MARCHF1: variants seen among roughly 807,000 people sequenced by gnomAD.
The protein encoded by MARCHF1 is E3 ubiquitin-protein ligase MARCHF1.
A neutral mutation model predicts 54.2 loss-of-function variants in MARCHF1; 40 were observed. The ratio of observed to expected loss-of-function variants is 0.74; its 90% CI spans 0.57 to 0.96. The LOEUF is 0.96. Ranked by LOEUF, MARCHF1 falls within the 40% of genes least tolerant of loss-of-function variation. The pLI is 0.00. For synonymous variants in MARCHF1, 236 were observed against 236.3 expected (o/e 1.00, Z 0.01); for missense variants, 586 against 656.5 (o/e 0.89, Z 1.17).
rs143268270 is a variant in MARCHF1, at chr4:164,212,068, G to GTGA, written c.-322-100409_-322-100407dup. Among the ~76,000 whole-genome samples, 903 of 151,988 alleles carry GTGA rather than the reference G, an allele frequency of 5.9e-3. 4 individuals are homozygous for GTGA. Among genetic ancestry groups the GTGA allele is most frequent in the African/African-American group, 0.02 (838 of 41,460 alleles). On this transcript the variant is annotated intron_variant, in intron 1 of 9. Coordinates refer to ENST00000514618, the MANE Select transcript of MARCHF1 (RefSeq NM_001394959.1). The stretch of plus-strand genomic sequence containing the variant: ...AAGCAACTAATAATTTGCTCTCAAA[G>GTGA]TGATGATGATGATGATGATAAAAAA...
chr4:163,803,319 GT>G (rs1342252646), intron 4 of MARCHF1, among the ~76,000 whole-genome samples: 1 of 152,038 alleles, frequency 6.6e-6, no homozygotes, highest in African/African-American at 2.4e-5. Context: ...GATTACAGGT[GT>G]GCGCCACCAC....
At chr4:163,980,917 A>G (rs1329610523) in intron 3 of MARCHF1, among the ~76,000 whole-genome samples, 1 of 152,234 alleles carries the variant, frequency 6.6e-6, no homozygotes, top group African/African-American at 2.4e-5. Context: ...CATGTTAAAC[A>G]TAACAACTTT....
chr4:164,232,728 C>G (rs1189719753), intron 1 of MARCHF1, among the ~76,000 whole-genome samples: 2 of 152,030 alleles, frequency 1.3e-5, no homozygotes, highest in Non-Finnish European at 2.9e-5. Flanking sequence ...TGAATTGTGA[C>G]AGTAAAATAA....
At chr4:164,067,458 G>T (rs1560888440) in intron 2 of MARCHF1, among the ~76,000 whole-genome samples, 1 of 152,140 alleles carries the variant, frequency 6.6e-6, no homozygotes, top group South Asian at 2.1e-4. Context: ...CTTCAACAAG[G>T]CCAACAAAAA....
chr4:163,811,760 C>T (rs1249646388), intron 4 of MARCHF1, among the ~76,000 whole-genome samples: 1 of 152,146 alleles, frequency 6.6e-6, no homozygotes, highest in Non-Finnish European at 1.5e-5. Flanking sequence ...TTACAGTTTA[C>T]TAGGCCCTGT....
intron 4 of MARCHF1, among the ~76,000 whole-genome samples, chr4:163,812,398 A>C (rs964552052): frequency 4.6e-5 from 7 of 152,066 alleles, no homozygotes; most frequent in Non-Finnish European, 8.8e-5. Context: ...TGACTAATAC[A>C]TTCAGGTAGT....
intron 2 of MARCHF1, among the ~76,000 whole-genome samples, chr4:164,054,037 C>T (rs1431517442): frequency 6.6e-6 from 1 of 151,606 alleles, no homozygotes; most frequent in Non-Finnish European, 1.5e-5. Context: ...TGACAAAGGG[C>T]TAATATCTAG....
At chr4:163,605,318 C>T (rs1476999135) in intron 7 of MARCHF1, among the ~76,000 whole-genome samples, 2 of 152,156 alleles carry the variant, frequency 1.3e-5, no homozygotes, top group Admixed American at 6.5e-5. Context: ...CTCATAATCA[C>T]TGGTCATTAG....
chr4:164,139,406 A>T (rs978983898), intron 1 of MARCHF1, among the ~76,000 whole-genome samples: 4 of 152,116 alleles, frequency 2.6e-5, no homozygotes, highest in African/African-American at 9.7e-5. Flanking sequence ...TGACAATCTA[A>T]CAGCTAGTGA....
At chr4:163,851,896 G>C (rs1455343635) in intron 4 of MARCHF1, among the ~76,000 whole-genome samples, 1 of 152,202 alleles carries the variant, frequency 6.6e-6, no homozygotes, top group Non-Finnish European at 1.5e-5. Flanking sequence ...TGATTTGGCA[G>C]TGAACCTCCA....
intron 1 of MARCHF1, among the ~76,000 whole-genome samples, chr4:164,150,573 A>G (rs1283629007): frequency 2.6e-5 from 4 of 152,150 alleles, no homozygotes; most frequent in African/African-American, 9.7e-5. Flanking sequence ...GGTCCTGTTT[A>G]AGCTTGGCTC....
At chr4:163,597,221 G>A (rs1190048214) in intron 7 of MARCHF1, among the ~76,000 whole-genome samples, 2 of 152,172 alleles carry the variant, frequency 1.3e-5, no homozygotes, top group Non-Finnish European at 2.9e-5. Flanking sequence ...GCCTTCCAAA[G>A]TGCTGGTATT....
intron 1 of MARCHF1, among the ~76,000 whole-genome samples, chr4:164,339,714 G>A (rs1729858890): frequency 2.6e-5 from 4 of 152,094 alleles, no homozygotes; most frequent in Admixed American, 1.3e-4. Flanking sequence ...GAAGGAAATA[G>A]CACAGATCAG....
intron 4 of MARCHF1, among the ~76,000 whole-genome samples, chr4:163,843,708 A>G (rs1230383632): frequency 1.3e-5 from 2 of 151,942 alleles, no homozygotes; most frequent in East Asian, 1.9e-4. Flanking sequence ...TGCCCCCGAC[A>G]GGACCCAGTG....
At chr4:163,854,983 A>C (rs539195242) in intron 3 of MARCHF1, among the ~76,000 whole-genome samples, 1 of 152,278 alleles carries the variant, frequency 6.6e-6, no homozygotes, top group African/African-American at 2.4e-5. Flanking sequence ...AGTTAAATGC[A>C]TTACACTGTC....
chr4:163,636,374 G>A (rs1742324549), intron 5 of MARCHF1, among the ~76,000 whole-genome samples: 1 of 142,998 alleles, frequency 7.0e-6, no homozygotes, highest in Non-Finnish European at 1.5e-5. Flanking sequence ...GTCTCCTTAA[G>A]CTGATAAGCA....
At chr4:164,031,841 C>A (rs1753884031) in intron 2 of MARCHF1, among the ~76,000 whole-genome samples, 1 of 152,066 alleles carries the variant, frequency 6.6e-6, no homozygotes, top group Non-Finnish European at 1.5e-5. Context: ...TGATGCTGGC[C>A]TCATAAAATG....
chr4:163,644,995 G>A (rs1742699058), intron 5 of MARCHF1, among the ~76,000 whole-genome samples: 1 of 152,126 alleles, frequency 6.6e-6, no homozygotes. Context: ...TCTGTGACCT[G>A]GTTCCAATCC....
intron 1 of MARCHF1, chr4:164,197,667 C>T (rs1031772747): frequency 5.6e-6 from 9 of 1,612,584 alleles, no homozygotes; most frequent in South Asian, 5.5e-5. Flanking sequence ...CATCAGAGGG[C>T]GCCCTGTTCC....
Sources: allele counts gnomAD v4.1 joint callset (sites outside exome capture counted in the v4.1 genomes callset), GRCh38; gene constraint gnomAD v4.1.1; transcripts MANE v1.5; gene names NCBI Gene and HGNC (gene_info 2026-07-23, HGNC 2026-07-21).